Variants in AGBL1 observed in about 807,000 individuals in gnomAD.
AGBL1 encodes the protein AGBL carboxypeptidase 1.
AGBL1 carries 130 observed loss-of-function variants against 118.9 expected under a neutral mutation model. The ratio of observed to expected loss-of-function variants is 1.09; its 90% CI spans 0.95 to 1.26. The LOEUF is 1.26. Among genes scored for constraint, AGBL1 ranks in the 50% most tolerant of loss-of-function variants. The probability of loss-of-function intolerance (pLI) is 0.00; values close to 1 mark genes in which losing one functional copy is unlikely to be tolerated. For missense variants in AGBL1, 1,584 were observed against 1,298.1 expected, an observed-to-expected ratio of 1.22 and a Z score of -3.38; for synonymous variants, 555 against 478.9, an observed-to-expected ratio of 1.16 and a Z score of -2.08.
chr15:86,550,501 A>C (rs938724810), intron 20 of AGBL1, among the ~76,000 whole-genome samples: 1 of 152,210 alleles, frequency 6.6e-6, no homozygotes, highest in African/African-American at 2.4e-5. Context: ...CAAAATATAC[A>C]TTAAAAGGAG....
intron 23 of AGBL1, among the ~76,000 whole-genome samples, chr15:86,942,431 T>C (rs527238319): frequency 6.6e-6 from 1 of 152,332 alleles, no homozygotes; most frequent in South Asian, 2.1e-4. Flanking sequence ...CAGTAAAAGA[T>C]ATGTTTACAT....
intron 22 of AGBL1, among the ~76,000 whole-genome samples, chr15:86,876,319 G>T (rs1280236255): frequency 1.3e-5 from 2 of 152,090 alleles, no homozygotes; most frequent in Non-Finnish European, 2.9e-5. Flanking sequence ...CCAGACAGAT[G>T]AATAGAGAGG....
chr15:86,295,956 A>G (rs1021591), intron 17 of AGBL1: 4,961 of 155,048 alleles, frequency 0.032, 272 homozygotes, highest in African/African-American at 0.11. Context: ...GCATATGGAC[A>G]TATAGACAAA....
intron 18 of AGBL1, among the ~76,000 whole-genome samples, chr15:86,458,548 G>T (rs1258066871): frequency 6.6e-6 from 1 of 152,100 alleles, no homozygotes; most frequent in African/African-American, 2.4e-5. Flanking sequence ...AGTGAATTGG[G>T]AACAAAGCTT....
chr15:86,527,189 A>G (rs980304443), intron 19 of AGBL1, among the ~76,000 whole-genome samples: 3 of 152,186 alleles, frequency 2.0e-5, no homozygotes, highest in African/African-American at 7.2e-5. Context: ...TTTAGCTTCT[A>G]AGAGGAGAGA....
chr15:86,276,180 C>G (rs558362024), intron 15 of AGBL1, among the ~76,000 whole-genome samples: 59 of 152,096 alleles, frequency 3.9e-4, no homozygotes, highest in Non-Finnish European at 7.5e-4. Flanking sequence ...TTATTTTAGA[C>G]TGTAAGTTCA....
intron 22 of AGBL1, among the ~76,000 whole-genome samples, chr15:86,833,819 G>GA (rs1235894772): frequency 6.6e-6 from 1 of 152,094 alleles, no homozygotes; most frequent in Non-Finnish European, 1.5e-5. Context: ...CATGGGTCCA[G>GA]AAATCAGTGT....
At chr15:86,303,664 C>T (rs944950869) in intron 17 of AGBL1, among the ~76,000 whole-genome samples, 14 of 151,938 alleles carry the variant, frequency 9.2e-5, no homozygotes, top group African/African-American at 3.4e-4. Context: ...TTTTATACTA[C>T]CTAATTTTCT....
chr15:86,097,433 C>T (rs560761950), intron 1 of AGBL1, among the ~76,000 whole-genome samples: 1 of 152,078 alleles, frequency 6.6e-6, no homozygotes, highest in East Asian at 1.9e-4. Context: ...TATGCTTGTA[C>T]ATATTAATCA....
At chr15:86,256,819 T>C in intron 7 of AGBL1, 34 bp from the exon 8 acceptor site, 1 of 1,610,600 alleles carries the variant, frequency 6.2e-7, no homozygotes, top group East Asian at 2.2e-5. Flanking sequence ...TGTGCCCAGA[T>C]GTTGGCATCT....
intron 21 of AGBL1, among the ~76,000 whole-genome samples, chr15:86,621,006 T>C (rs2084794942): frequency 1.6e-5 from 2 of 122,366 alleles, no homozygotes; most frequent in Non-Finnish European, 3.3e-5. Context: ...TTCCTCTGCA[T>C]CTCTCTTCTC....
chr15:86,574,035 A>G (rs2084047250), intron 21 of AGBL1, among the ~76,000 whole-genome samples: 1 of 151,704 alleles, frequency 6.6e-6, no homozygotes, highest in Non-Finnish European at 1.5e-5. Context: ...GACCAAACAA[A>G]TAAACAAACA....
At chr15:86,878,936 C>A (rs879341818) in intron 22 of AGBL1, among the ~76,000 whole-genome samples, 17 of 152,198 alleles carry the variant, frequency 1.1e-4, no homozygotes, top group Admixed American at 2.6e-4. Context: ...AGCAGCTGGT[C>A]CCCGCCTGAA....
intron 22 of AGBL1, among the ~76,000 whole-genome samples, chr15:86,884,742 G>A (rs2079945788): frequency 6.6e-6 from 1 of 152,214 alleles, no homozygotes; most frequent in African/African-American, 2.4e-5. Flanking sequence ...AACCTGGGAA[G>A]CAGAGGCTGG....
intron 22 of AGBL1, among the ~76,000 whole-genome samples, chr15:86,679,739 TATTA>T (rs2085918336): frequency 6.6e-6 from 1 of 152,144 alleles, no homozygotes; most frequent in Non-Finnish European, 1.5e-5. Context: ...TTTCTTAGCT[TATTA>T]ATTTAACAAA....
intron 22 of AGBL1, among the ~76,000 whole-genome samples, chr15:86,702,993 T>C (rs1191331691): frequency 6.6e-6 from 1 of 152,150 alleles, no homozygotes; most frequent in African/African-American, 2.4e-5. Flanking sequence ...AGGATGAGGA[T>C]GAATTATCAA....
intron 1 of AGBL1, among the ~76,000 whole-genome samples, chr15:86,133,011 A>C (rs1346958320): frequency 6.6e-6 from 1 of 152,208 alleles, no homozygotes; most frequent in Non-Finnish European, 1.5e-5. Flanking sequence ...CCCAGGCAGT[A>C]AGCTAAACAT....
intron 21 of AGBL1, among the ~76,000 whole-genome samples, chr15:86,631,778 G>C (rs576796110): frequency 3.9e-5 from 6 of 152,288 alleles, no homozygotes; most frequent in African/African-American, 1.4e-4. Flanking sequence ...TCCTGAATCT[G>C]TTCCTATCTG....
rs117742221 is a variant in AGBL1, at chr15:86,259,232, C to A, written c.969+1201C>A. On this transcript the variant is annotated intron_variant, in intron 9 of 22. Transcript: ENST00000614907. ...CCCTCCAGGGATGAACCAAAAATAT[C>A]TCTTAGACTTGCCAAAATCACCCCT... Among the ~76,000 whole-genome samples the A allele has an allele frequency of 6.5e-3, 993 of 152,266 alleles. 14 individuals are homozygous for A. The highest frequency in any genetic ancestry group is 0.011 in the Non-Finnish European group (743 of 68,018).
Sources: allele counts gnomAD v4.1 joint callset (sites outside exome capture counted in the v4.1 genomes callset), GRCh38; gene constraint gnomAD v4.1.1; transcripts MANE v1.5; gene names NCBI Gene and HGNC (gene_info 2026-07-23, HGNC 2026-07-21).